The following RGPD3 variants were observed in gnomAD, a reference collection of about 807,000 sequenced individuals.
RGPD3 encodes the protein RANBP2 like and GRIP domain containing 3.
A neutral mutation model predicts 154.5 loss-of-function variants in RGPD3; 62 were observed. The ratio of observed to expected loss-of-function variants is 0.40; its 90% CI spans 0.33 to 0.50. The LOEUF (loss-of-function observed/expected upper bound fraction) is 0.50, where lower values mean the gene tolerates loss of function less well. Ranked by LOEUF, RGPD3 falls within the 20% of genes least tolerant of loss-of-function variation. RGPD3 has a pLI of 0.59. For missense variants in RGPD3, 919 were observed against 1,716.8 expected (o/e 0.54, Z 8.21); for synonymous variants, 308 against 607.0 (o/e 0.51, Z 7.24).
At position 106,403,802 on chromosome 2, in the gene RGPD3, A is replaced by G. The variant is rs1442104911; in HGVS notation, c.*1417T>C. ...ATATTTTTTAAAGAACAAACTCAAC[A>G]TATCAGCAGCAAATTTCAGTTAAAC... On this transcript the variant is annotated 3_prime_UTR_variant, in exon 23 of 23. Transcript: ENST00000409886. Among the ~76,000 whole-genome samples, 4 of 152,382 alleles carry G rather than the reference A, an allele frequency of 2.6e-5. No homozygotes were observed. Among genetic ancestry groups the G allele is most frequent in the South Asian group, 2.1e-4 (1 of 4,830 alleles).
At chr2:106,440,153 G>A (rs1421197163) in intron 8 of RGPD3, among the ~76,000 whole-genome samples, 3 of 102,656 alleles carry the variant, frequency 2.9e-5, no homozygotes, top group African/African-American at 1.1e-4. Flanking sequence ...ACTGCTAATA[G>A]GTAAGGAATT....
intron 22 of RGPD3, among the ~76,000 whole-genome samples, chr2:106,409,871 C>G: frequency 1.1e-5 from 1 of 94,442 alleles, no homozygotes; most frequent in African/African-American, 4.4e-5. Flanking sequence ...TTGTAGTTTA[C>G]TTTTTTTTTT....
upstream of RGPD3, among the ~76,000 whole-genome samples, chr2:106,468,751 C>T (rs566050797): frequency 5.7e-5 from 7 of 123,216 alleles, no homozygotes; most frequent in African/African-American, 2.2e-4. Context: ...GGTTGCAGTA[C>T]GGTGAGATTG....
intron 18 of RGPD3, among the ~76,000 whole-genome samples, chr2:106,427,190 C>T (rs1477260668): frequency 2.0e-5 from 3 of 149,984 alleles, no homozygotes; most frequent in African/African-American, 7.3e-5. Context: ...TATGAATAGA[C>T]AATTTAGGAA....
upstream of RGPD3, among the ~76,000 whole-genome samples, chr2:106,469,642 C>T (rs1274547034): frequency 1.3e-5 from 2 of 152,202 alleles, no homozygotes; most frequent in South Asian, 2.1e-4. Context: ...CTTCCCAGGT[C>T]GTTCAGAGAA....
intron 1 of RGPD3, among the ~76,000 whole-genome samples, chr2:106,465,890 C>T (rs1678559816): frequency 6.6e-6 from 1 of 151,840 alleles, no homozygotes. Context: ...TTTGCGCCGT[C>T]GGGCCATTGC....
chr2:106,451,004 G>A (rs538661553), intron 6 of RGPD3, among the ~76,000 whole-genome samples: 501 of 149,546 alleles, frequency 3.4e-3, no homozygotes, highest in African/African-American at 0.012. Context: ...CAGGAGAATC[G>A]CCTGAACCCG....
chr2:106,459,579 G>A (rs1364666883), intron 1 of RGPD3, among the ~76,000 whole-genome samples: 34 of 150,436 alleles, frequency 2.3e-4, no homozygotes, highest in African/African-American at 7.1e-4. Flanking sequence ...CGAAGTGGGC[G>A]GATCACCTGA....
At chr2:106,443,683 TC>T (rs1677829123) in intron 7 of RGPD3, among the ~76,000 whole-genome samples, 1 of 117,000 alleles carries the variant, frequency 8.5e-6, no homozygotes, top group East Asian at 2.1e-4. Context: ...ATTCACTATT[TC>T]CTTTTTTTTT....
chr2:106,441,711 CAA>C (rs1246869114), intron 7 of RGPD3, among the ~76,000 whole-genome samples: 4 of 148,406 alleles, frequency 2.7e-5, no homozygotes, highest in Admixed American at 2.0e-4. Context: ...AAAAAAAAAA[CAA>C]AGAGCCAGGC....
intron 7 of RGPD3, among the ~76,000 whole-genome samples, chr2:106,445,255 C>T (rs1248274742): frequency 6.7e-6 from 1 of 148,804 alleles, no homozygotes; most frequent in South Asian, 2.1e-4. Context: ...TGCCACTGTG[C>T]TCCAGCCTGG....
intron 22 of RGPD3, among the ~76,000 whole-genome samples, chr2:106,407,363 G>A (rs892358661): frequency 2.0e-5 from 3 of 152,112 alleles, no homozygotes; most frequent in Non-Finnish European, 4.4e-5. Context: ...ATTATACAAA[G>A]GCATGAATTT....
rs1306805232 is a variant in RGPD3, at chr2:106,418,530, A to G, written c.4925-2541T>C. On this transcript the variant is annotated intron_variant, in intron 20 of 22. Coordinates refer to ENST00000409886, the MANE Select transcript of RGPD3 (RefSeq NM_001144013.2). Reference sequence around the variant, plus strand: ...CCAGGGCACGGAACTAATCAATTACATTGCCTAGCAAGACTTTGCTGTTTG... The same window carrying G: ...CCAGGGCACGGAACTAATCAATTACGTTGCCTAGCAAGACTTTGCTGTTTG... Among the ~76,000 whole-genome samples the G allele has an allele frequency of 2.0e-5, 3 of 152,248 alleles. No homozygotes were observed. In the East Asian group the frequency reaches 5.9e-4, roughly 30 times the overall value.
chr2:106,466,292 G>C (rs915200141), intron 1 of RGPD3, among the ~76,000 whole-genome samples: 2,186 of 151,500 alleles, frequency 0.014, 60 homozygotes, highest in African/African-American at 0.049. Flanking sequence ...GCCAGCCGGC[G>C]GGCGCCGCAA....
intron 22 of RGPD3, among the ~76,000 whole-genome samples, chr2:106,409,920 G>A (rs541517705): frequency 7.2e-6 from 1 of 139,112 alleles, no homozygotes; most frequent in East Asian, 2.1e-4. Context: ...TTGTTGCTCA[G>A]GCTGGAGTGC....
At chr2:106,470,882 G>A (rs1200900638), upstream of RGPD3, 3 of 1,596,410 alleles carry the variant, frequency 1.9e-6, no homozygotes, top group African/African-American at 1.3e-5. Flanking sequence ...GAGGCATTGT[G>A]TTGGACATCG....
rs528932319 is a variant in RGPD3 at position 106,412,617 on chromosome 2, A to C, written c.5266+467T>G. On this transcript the variant is annotated intron_variant, in intron 22 of 22. Coordinates refer to ENST00000409886, the MANE Select transcript of RGPD3 (RefSeq NM_001144013.2). ...ACCACCGGCGCCTGGCCTATGGCAC[A>C]GTTTTAAAACTGCATTTGCCTAGAA... The C allele has an allele frequency of 1.5e-3, 498 of 335,108 alleles. 3 individuals are homozygous for C. The highest frequency in any genetic ancestry group is 0.01 in the African/African-American group (468 of 46,610). The allele number at this position is 335,108 out of a possible 1,614,324, so 20.8% of individuals were successfully genotyped here.
intron 22 of RGPD3, among the ~76,000 whole-genome samples, chr2:106,412,306 T>TGTTTTTG (rs1558833025): frequency 2.5e-5 from 2 of 80,182 alleles, no homozygotes; most frequent in South Asian, 5.9e-4. Context: ...TTTTTTTTTT[T>TGTTTTTG]TTTTTTTTTT....
intron 22 of RGPD3, among the ~76,000 whole-genome samples, chr2:106,406,746 G>C (rs1050281098): frequency 6.6e-6 from 1 of 152,100 alleles, no homozygotes; most frequent in Non-Finnish European, 1.5e-5. Context: ...GTGAATACTG[G>C]TTTTCATTCC....
Sources: gnomAD v4.1 joint callset for allele counts (sites outside exome capture counted in the v4.1 genomes callset) on GRCh38, gnomAD v4.1.1 for gene constraint, MANE v1.5 for transcripts, NCBI Gene and HGNC (gene_info 2026-07-23, HGNC 2026-07-21) for gene names.